The following ZMAT4 variants were observed in gnomAD, a reference collection of about 807,000 sequenced individuals.
ZMAT4 encodes the protein zinc finger matrin-type protein 4.
ZMAT4 carries 17 observed loss-of-function variants against 28.7 expected under a neutral mutation model. The observed-to-expected ratio is 0.59, with a 90% confidence interval of 0.41 to 0.89. ZMAT4 has a LOEUF of 0.89. Ranked by LOEUF, ZMAT4 falls within the 40% of genes least tolerant of loss-of-function variation. The pLI is 0.00. For synonymous variants in ZMAT4, 117 were observed against 109.2 expected (o/e 1.07, Z -0.44); for missense variants, 240 against 283.8 (o/e 0.85, Z 1.11).
chr8:40,734,501 C>G (rs1240983305), intron 3 of ZMAT4, among the ~76,000 whole-genome samples: 1 of 152,140 alleles, frequency 6.6e-6, no homozygotes, highest in Non-Finnish European at 1.5e-5. Flanking sequence ...GCCCTGTGCC[C>G]TAGGTGAAAG....
intron 2 of ZMAT4, among the ~76,000 whole-genome samples, chr8:40,790,385 C>T (rs1814271735): frequency 6.6e-6 from 1 of 152,100 alleles, no homozygotes; most frequent in African/African-American, 2.4e-5. Context: ...AAACCAATTG[C>T]ATTGCTACAT....
intron 5 of ZMAT4, among the ~76,000 whole-genome samples, chr8:40,666,977 ATTATTAAAAGTTGAAAG>A (rs899053292): frequency 1.3e-5 from 2 of 152,118 alleles, no homozygotes; most frequent in African/African-American, 4.8e-5. Context: ...ACACAAATCT[ATTATTAAAAGTTGAAAG>A]TTATCAAAAC....
chr8:40,601,634 G>GAAAGAGAAAGAAAGAA (rs1475549047), intron 5 of ZMAT4, among the ~76,000 whole-genome samples: 1 of 26,862 alleles, frequency 3.7e-5, no homozygotes, highest in African/African-American at 9.7e-5. Flanking sequence ...AAGAAAGAAA[G>GAAAGAGAAAGAAAGAA]AGAAAGAAAG....
At chr8:40,615,731 C>T (rs991262683) in intron 5 of ZMAT4, among the ~76,000 whole-genome samples, 4 of 152,210 alleles carry the variant, frequency 2.6e-5, no homozygotes, top group South Asian at 2.1e-4. Context: ...GATACTGAAA[C>T]TTGTGCATTC....
intron 2 of ZMAT4, among the ~76,000 whole-genome samples, chr8:40,770,801 G>C (rs1229558048): frequency 6.6e-6 from 1 of 151,968 alleles, no homozygotes. Flanking sequence ...GCCCACCTCA[G>C]CCATCCTTTC....
At chr8:40,774,938 C>A (rs1260534155) in intron 2 of ZMAT4, among the ~76,000 whole-genome samples, 1 of 152,070 alleles carries the variant, frequency 6.6e-6, no homozygotes, top group Non-Finnish European at 1.5e-5. Flanking sequence ...AAGATTCATT[C>A]TAACACTGAT....
At chr8:40,866,870 A>G (rs529366188) in intron 1 of ZMAT4, among the ~76,000 whole-genome samples, 1 of 152,348 alleles carries the variant, frequency 6.6e-6, no homozygotes, top group Non-Finnish European at 1.5e-5. Flanking sequence ...ACACATACAT[A>G]TGGCATACAA....
intron 5 of ZMAT4, among the ~76,000 whole-genome samples, chr8:40,667,188 C>T (rs937831267): frequency 6.6e-6 from 1 of 151,368 alleles, no homozygotes; most frequent in Non-Finnish European, 1.5e-5. Flanking sequence ...CAGAGTCTCG[C>T]TCTGTCGCCT....
rs370525143 is a variant in ZMAT4, at chr8:40,793,301, A to G, written c.103-25571T>C. On this transcript the variant is annotated intron_variant, in intron 2 of 6. Transcript: ENST00000297737. ...AACAAAAAACAAACAAACAAACAAA[A>G]CCCTACTTTGCCTTTCATTGCCAGG... Among the ~76,000 whole-genome samples, 25 of 152,180 alleles carry G rather than the reference A, an allele frequency of 1.6e-4. No individual in the cohort carries two copies. The South Asian group carries it at 2.1e-3, about 13-fold the overall frequency.
intron 3 of ZMAT4, among the ~76,000 whole-genome samples, chr8:40,730,559 G>A (rs1053493663): frequency 6.6e-6 from 1 of 152,120 alleles, no homozygotes; most frequent in Admixed American, 6.6e-5. Context: ...CTCATTCTAT[G>A]TTCTGTGTAT....
chr8:40,573,032 T>C (rs1216105857), intron 6 of ZMAT4, among the ~76,000 whole-genome samples: 1 of 152,150 alleles, frequency 6.6e-6, no homozygotes, highest in Non-Finnish European at 1.5e-5. Flanking sequence ...TAAGAACATC[T>C]GGCCAACTAC....
At chr8:40,842,501 G>A (rs1262265744) in intron 1 of ZMAT4, among the ~76,000 whole-genome samples, 1 of 152,174 alleles carries the variant, frequency 6.6e-6, no homozygotes, top group African/African-American at 2.4e-5. Flanking sequence ...GGATTTCACA[G>A]TCAGAAAAGT....
At chr8:40,827,749 A>G (rs1402405964) in intron 1 of ZMAT4, among the ~76,000 whole-genome samples, 1 of 152,216 alleles carries the variant, frequency 6.6e-6, no homozygotes, top group African/African-American at 2.4e-5. Flanking sequence ...AGGTGGCCCA[A>G]TTGGCCTGGA....
chr8:40,888,951 A>T (rs190962165), intron 1 of ZMAT4, among the ~76,000 whole-genome samples: 6 of 152,332 alleles, frequency 3.9e-5, no homozygotes, highest in Admixed American at 3.9e-4. Flanking sequence ...TCACTTCTAG[A>T]GCACATGGAA....
intron 3 of ZMAT4, among the ~76,000 whole-genome samples, chr8:40,699,136 A>C (rs781229345): frequency 7.9e-5 from 12 of 152,124 alleles, no homozygotes; most frequent in Non-Finnish European, 1.6e-4. Flanking sequence ...AGTCAAGCCT[A>C]GGAGACAGGA....
chr8:40,546,292 CA>C (rs1456376833), intron 6 of ZMAT4, among the ~76,000 whole-genome samples: 5 of 147,592 alleles, frequency 3.4e-5, no homozygotes, highest in African/African-American at 1.3e-4. Context: ...CAGGGTGAAT[CA>C]CTTGAACAAA....
At chr8:40,857,981 A>G (rs1187649703) in intron 1 of ZMAT4, among the ~76,000 whole-genome samples, 1 of 152,172 alleles carries the variant, frequency 6.6e-6, no homozygotes, top group East Asian at 1.9e-4. Context: ...TATAGGAGAG[A>G]AATAAGAACA....
intron 3 of ZMAT4, among the ~76,000 whole-genome samples, chr8:40,753,869 G>A (rs1256523638): frequency 1.3e-5 from 2 of 152,162 alleles, no homozygotes; most frequent in Non-Finnish European, 2.9e-5. Flanking sequence ...TTTCTATCAA[G>A]TATTTAGCAT....
Position 40,615,545 on chromosome 8 carries a change from C to G in ZMAT4, c.578-34284G>C, listed in dbSNP as rs941128118. Among the ~76,000 whole-genome samples, 3 of 152,286 alleles carry G rather than the reference C, an allele frequency of 2.0e-5. No individual in the cohort carries two copies. The South Asian group carries it at 6.2e-4, about 32-fold the overall frequency. ...TTTTCCAACTTGGTTCCATTCTCCC[C>G]GTCACTGTCAAGTACACCAATCAGA... On this transcript the variant is annotated intron_variant, in intron 5 of 6. Coordinates refer to ENST00000297737, the MANE Select transcript of ZMAT4 (RefSeq NM_024645.3).
Sources: gnomAD v4.1 joint callset for allele counts (sites outside exome capture counted in the v4.1 genomes callset) on GRCh38, gnomAD v4.1.1 for gene constraint, MANE v1.5 for transcripts, NCBI Gene and HGNC (gene_info 2026-07-23, HGNC 2026-07-21) for gene names.